IRF2: variants seen among roughly 807,000 people sequenced by gnomAD.
The protein encoded by IRF2 is interferon regulatory factor 2.
In IRF2, 15 loss-of-function variants were observed where a neutral mutation model predicts 40.6. The observed-to-expected ratio is 0.37, with a 90% CI of 0.25 to 0.57. The LOEUF (loss-of-function observed/expected upper bound fraction) is 0.57, where lower values mean the gene tolerates loss of function less well. IRF2 is among the 20% of genes least tolerant of loss of function. The pLI, the probability that IRF2 is intolerant of heterozygous loss-of-function variation, is 0.77. For missense variants in IRF2, 317 were observed against 455.7 expected (o/e 0.70, Z 2.77); for synonymous variants, 151 against 165.5 (o/e 0.91, Z 0.67).
In IRF2 at chr4:184,448,906, T is replaced by C. The variant is rs1219586584; in HGVS notation, c.-6-19836A>G. ...AGGGCTTTGCTTTTTGTTTCTTGTT[T>C]ACAACGTTTCCTCGACGTGTGCAAG... On this transcript the variant is annotated intron_variant, in intron 1 of 8. Coordinates refer to ENST00000393593, the MANE Select transcript of IRF2 (RefSeq NM_002199.4). The surrounding 1 kb of genome is among the most constrained non-coding windows in gnomAD (Gnocchi z 4.3). 4 of 152,360 alleles carry C rather than the reference T, an allele frequency of 2.6e-5. No homozygotes were observed. The South Asian group carries it at 6.2e-4, about 24-fold the overall frequency. 9.4% of individuals were successfully genotyped at this position (152,360 alleles called of 1,614,324 possible). A position where few individuals can be genotyped will look rare whatever the true frequency, so the allele number is the denominator to read the frequency against.
chr4:184,415,746 G>A (rs748910289), intron 5 of IRF2, among the ~76,000 whole-genome samples: 20 of 152,184 alleles, frequency 1.3e-4, no homozygotes, highest in Non-Finnish European at 2.6e-4. Context: ...CATTAACTGC[G>A]ATTATGAAAT....
chr4:184,424,636 C>G (rs1207015978), intron 2 of IRF2, among the ~76,000 whole-genome samples: 2 of 152,330 alleles, frequency 1.3e-5, no homozygotes, highest in Admixed American at 1.3e-4. Flanking sequence ...CAAGAAGGCC[C>G]TCACCAGATG....
intron 2 of IRF2, among the ~76,000 whole-genome samples, chr4:184,424,285 G>A (rs1737589927): frequency 6.6e-6 from 1 of 152,176 alleles, no homozygotes; most frequent in South Asian, 2.1e-4. Flanking sequence ...TCCTTCAGAG[G>A]AATCCAAGGG....
intron 2 of IRF2, among the ~76,000 whole-genome samples, chr4:184,424,444 G>A (rs1373392371): frequency 6.6e-6 from 1 of 152,130 alleles, no homozygotes; most frequent in East Asian, 1.9e-4. Context: ...GAGTCATGAG[G>A]GCCCTGCCCT....
In IRF2 at chr4:184,408,653, G is replaced by A. The variant is rs1736953873; in HGVS notation, c.412-378C>T. On this transcript the variant is annotated intron_variant, in intron 5 of 8. Coordinates refer to ENST00000393593, the MANE Select transcript of IRF2 (RefSeq NM_002199.4). The surrounding 1 kb of genome is among the most constrained non-coding windows in gnomAD (Gnocchi z 4.9). ...TGAGGGGGTGCTCAAAAGAATCAAT[G>A]CCTGGCTTTCACCAGGGAGGAATCA... 6.6e-6 allele frequency among the ~76,000 whole-genome samples: 1 copy of A among 152,230 alleles called. No homozygotes were observed. Among genetic ancestry groups the A allele is most frequent in the Admixed American group, 6.5e-5 (1 of 15,288 alleles).
At chr4:184,418,468 A>G (rs913120982) in intron 4 of IRF2, 64 bp downstream of exon 4, 1 of 1,423,768 alleles carries the variant, frequency 7.0e-7, no homozygotes, top group Non-Finnish European at 9.9e-7. Flanking sequence ...GTAGAAATGA[A>G]GAGATCACGA....
chr4:184,398,949 G>C lies in IRF2; in HGVS notation c.660C>G (p.Tyr220Ter). The C allele has an allele frequency of 6.2e-7, 1 of 1,612,554 alleles. No homozygotes were observed. ...DEQPVSMSELYPLQISPVSSY... is the reference protein window; with the variant it reads ...DEQPVSMSEL The stretch of plus-strand genomic sequence containing the variant: ...AAGACACGGGGGAGATCTGCAGAGG[G>C]TAGAGCTCGCTCATGCTGACCGGCT... The change falls in exon 7 of 9, where the codon TAC becomes TAG. Residue 220 changes from tyrosine to a stop codon, truncating the protein, a stop_gained. Coordinates refer to ENST00000393593, the MANE Select transcript of IRF2 (RefSeq NM_002199.4). LOFTEE classifies it high-confidence loss of function.
At chr4:184,432,712 A>G (rs892478394) in intron 1 of IRF2, among the ~76,000 whole-genome samples, 1 of 152,208 alleles carries the variant, frequency 6.6e-6, no homozygotes, top group African/African-American at 2.4e-5. Flanking sequence ...ACAGACACAG[A>G]GAAGAATGCC....
chr4:184,399,797 C>T (rs184617334), intron 6 of IRF2, among the ~76,000 whole-genome samples: 1 of 152,288 alleles, frequency 6.6e-6, no homozygotes, highest in African/African-American at 2.4e-5. Flanking sequence ...ATCAGCTCCC[C>T]GGAACACTGA....
In IRF2 at chr4:184,388,997, A is replaced by T; in HGVS notation, c.811T>A (p.Ser271Thr). Reference sequence around the variant, plus strand: ...GACGCCATGCCGGGCAGCAGGTAGGAGCCTCGAGTCCCCATGTTGCTGAGG... The same window carrying T: ...GACGCCATGCCGGGCAGCAGGTAGGTGCCTCGAGTCCCCATGTTGCTGAGG... Reference protein sequence around the residue: ...QYLSNMGTRGSYLLPGMASFV... With the variant: ...QYLSNMGTRGTYLLPGMASFV... The change falls in exon 9 of 9, where the codon TCC becomes ACC. Residue 271 changes from serine (S) to threonine (T), a missense_variant. By Grantham distance (58) the Ser-to-Thr change is moderately conservative. Around this residue, in one of 2 missense-constraint regions of IRF2, gnomAD observed 262 missense variants for 334.0 expected, o/e 0.78. Transcript: ENST00000393593. The surrounding 1 kb of genome is among the most constrained non-coding windows in gnomAD (Gnocchi z 4.6). 1 of 1,614,178 alleles carries T rather than the reference A, an allele frequency of 6.2e-7. No homozygotes were observed. The highest frequency in any genetic ancestry group is 1.3e-5 in the African/African-American group (1 of 75,044).
chr4:184,442,381 C>A (rs533060848), intron 1 of IRF2, among the ~76,000 whole-genome samples: 40 of 152,256 alleles, frequency 2.6e-4, no homozygotes, highest in Admixed American at 7.2e-4. Flanking sequence ...CTTTGCATCA[C>A]CTGGATGCAG....
Position 184,413,062 on chromosome 4 carries a change from C to T in IRF2, c.412-4787G>A, listed in dbSNP as rs763522574. Among the ~76,000 whole-genome samples the T allele has an allele frequency of 2.6e-5, 4 of 152,098 alleles. No homozygotes were observed. Among genetic ancestry groups the T allele is most frequent in the South Asian group, 2.1e-4 (1 of 4,830 alleles). The stretch of plus-strand genomic sequence containing the variant: ...AACACTCGCTTCTGAAGGTGCAAAA[C>T]GCCGGGGCCTCCTCTTTAGGCCGCT... On this transcript the variant is annotated intron_variant, in intron 5 of 8. Coordinates refer to ENST00000393593, the MANE Select transcript of IRF2 (RefSeq NM_002199.4). The surrounding 1 kb of genome is among the most constrained non-coding windows in gnomAD (Gnocchi z 4.2).
intron 1 of IRF2, among the ~76,000 whole-genome samples, chr4:184,470,695 AAAAAAAAAAG>A (rs1294942160): frequency 8.0e-6 from 1 of 125,100 alleles, no homozygotes; most frequent in Non-Finnish European, 1.7e-5. Flanking sequence ...GCCTCAAAAA[AAAAAAAAAAG>A]AAAAGAAAAA....
At chr4:184,435,514 A>G (rs1738044429) in intron 1 of IRF2, among the ~76,000 whole-genome samples, 1 of 152,218 alleles carries the variant, frequency 6.6e-6, no homozygotes, top group South Asian at 2.1e-4. Flanking sequence ...GACAAAATAT[A>G]TTTTTAAAAT....
chr4:184,418,749 T>A (rs1160669651), intron 3 of IRF2, 41 bp from the exon 4 acceptor site: 1 of 1,546,398 alleles, frequency 6.5e-7, no homozygotes, highest in Non-Finnish European at 8.9e-7. Context: ...AGAGAAAACA[T>A]TAGATACAGA....
chr4:184,440,762 C>T (rs556377226), intron 1 of IRF2, among the ~76,000 whole-genome samples: 2 of 152,336 alleles, frequency 1.3e-5, no homozygotes, highest in East Asian at 3.9e-4. Flanking sequence ...ATGTCTACCT[C>T]GCCTCCCTCT....
intron 3 of IRF2, among the ~76,000 whole-genome samples, chr4:184,419,150 C>A (rs558078602): frequency 6.6e-6 from 1 of 152,246 alleles, no homozygotes; most frequent in African/African-American, 2.4e-5. Context: ...TTCTGACTAC[C>A]TTTTTGGGGG....
chr4:184,449,331 A>G (rs996989343), intron 1 of IRF2, among the ~76,000 whole-genome samples: 1 of 152,030 alleles, frequency 6.6e-6, no homozygotes, highest in Non-Finnish European at 1.5e-5. Context: ...ACTCTTACTC[A>G]TTTTTCAGAT....
At chr4:184,417,146 G>C (rs1367636895) in intron 5 of IRF2, among the ~76,000 whole-genome samples, 4 of 152,164 alleles carry the variant, frequency 2.6e-5, no homozygotes, top group Non-Finnish European at 4.4e-5. Flanking sequence ...AGGGGCTATT[G>C]ATGAAGCAAA....
Sources: allele counts gnomAD v4.1 joint callset (sites outside exome capture counted in the v4.1 genomes callset), GRCh38; gene constraint gnomAD v4.1.1; regional missense constraint gnomAD v4.1.1; non-coding constraint Gnocchi (gnomAD v3.1); transcripts MANE v1.5; gene names NCBI Gene and HGNC (gene_info 2026-07-23, HGNC 2026-07-21).